Variants in IFT88 observed in about 807,000 individuals in gnomAD.
IFT88 encodes the protein intraflagellar transport 88.
Under a neutral mutation model 119.5 loss-of-function variants are expected in IFT88, and 74 were observed. The observed-to-expected ratio is 0.62, with a 90% CI of 0.51 to 0.75. The LOEUF (loss-of-function observed/expected upper bound fraction) is 0.75. IFT88 is among the 30% of genes least tolerant of loss of function. The pLI, the probability that IFT88 is intolerant of heterozygous loss-of-function variation, is 0.00. For missense variants in IFT88, 961 were observed against 977.7 expected (o/e 0.98, Z 0.23); for synonymous variants, 279 against 316.7 (o/e 0.88, Z 1.26).
rs1272800261 is a variant in IFT88, at chr13:20,625,797, AT to A, written c.1248del (p.Leu417TrpfsTer3). ...KASQYVELAN[D>X]LEINKAVTYL... ...TCTCAATATGTAGAGCTAGCCAATGATCTGGAAATAAACAAAGCAGTTACAT... is the reference window on the plus strand; with the variant it reads ...TCTCAATATGTAGAGCTAGCCAATGACTGGAAATAAACAAAGCAGTTACAT... On this transcript the variant is annotated frameshift_variant, in exon 15 of 26. Coordinates refer to ENST00000351808, the MANE Select transcript of IFT88 (RefSeq NM_006531.5). LOFTEE classifies it high-confidence loss of function. 6.2e-7 allele frequency: 1 copy of A among 1,604,812 alleles called. No homozygotes were observed. Among genetic ancestry groups the A allele is most frequent in the Non-Finnish European group, 8.5e-7 (1 of 1,177,830 alleles).
At chr13:20,631,555 T>G (rs2048210506) in intron 16 of IFT88, 1 of 154,568 alleles carries the variant, frequency 6.5e-6, no homozygotes, top group African/African-American at 2.4e-5. Flanking sequence ...TTCTTGTCTT[T>G]GGAACAAAGG....
chr13:20,577,395 T>C (rs1303975521), intron 2 of IFT88, among the ~76,000 whole-genome samples: 1 of 152,202 alleles, frequency 6.6e-6, no homozygotes, highest in Non-Finnish European at 1.5e-5. Context: ...TCCAGTACTA[T>C]GTTGAATAAC....
chr13:20,595,132 T>G (rs1406717742), intron 7 of IFT88, among the ~76,000 whole-genome samples: 2 of 152,166 alleles, frequency 1.3e-5, no homozygotes, highest in Non-Finnish European at 2.9e-5. Flanking sequence ...GGCATGGTGG[T>G]GCACGCCTAT....
At chr13:20,621,526 T>TAAAAAAAAAA (rs200491393) in intron 14 of IFT88, among the ~76,000 whole-genome samples, 12 of 130,736 alleles carry the variant, frequency 9.2e-5, no homozygotes, top group Admixed American at 2.2e-4. Context: ...CCTGCTGAGA[T>TAAAAAAAAAA]AAAAAAAAAA....
intron 15 of IFT88, among the ~76,000 whole-genome samples, chr13:20,628,682 CT>C (rs990962310): frequency 2.0e-5 from 3 of 152,038 alleles, no homozygotes; most frequent in African/African-American, 7.2e-5. Flanking sequence ...ATTATGTAGC[CT>C]TTTTAGAATA....
chr13:20,691,412 AG>A lies in IFT88; in HGVS notation c.*239del, dbSNP rs1184817315. On this transcript the variant is annotated 3_prime_UTR_variant, in exon 26 of 26. Coordinates refer to ENST00000351808, the MANE Select transcript of IFT88 (RefSeq NM_006531.5). ...TAGCTTTTTGAAAACATTGACACAC[AG>A]GAAGAAATAAATTTCATAACACAAC... 2 of 347,530 alleles carry A rather than the reference AG, an allele frequency of 5.8e-6. No homozygotes were observed. Among genetic ancestry groups the A allele is most frequent in the African/African-American group, 4.2e-5 (2 of 47,440 alleles). The allele number at this position is 347,530 out of a possible 1,614,324, so 21.5% of individuals were successfully genotyped here. A position where few individuals can be genotyped will look rare whatever the true frequency, so the allele number is the denominator to read the frequency against.
intron 13 of IFT88, among the ~76,000 whole-genome samples, chr13:20,614,102 A>T (rs942992084): frequency 6.6e-6 from 1 of 152,202 alleles, no homozygotes; most frequent in Non-Finnish European, 1.5e-5. Flanking sequence ...TGTATGGTAT[A>T]TGAGTTATCT....
At chr13:20,582,631 A>G (rs542976558) in intron 2 of IFT88, among the ~76,000 whole-genome samples, 6 of 152,172 alleles carry the variant, frequency 3.9e-5, no homozygotes, top group African/African-American at 9.7e-5. Flanking sequence ...ATTCCAAGCC[A>G]CCAGGAAAAA....
intron 20 of IFT88, among the ~76,000 whole-genome samples, chr13:20,651,473 T>TA (rs2051681904): frequency 6.7e-6 from 1 of 148,716 alleles, no homozygotes; most frequent in Non-Finnish European, 1.5e-5. Context: ...GCTTTCAGTT[T>TA]ATGATAGTCA....
intron 15 of IFT88, among the ~76,000 whole-genome samples, chr13:20,627,429 T>G (rs937403757): frequency 6.6e-6 from 1 of 152,182 alleles, no homozygotes; most frequent in Admixed American, 6.5e-5. Flanking sequence ...TTAAATGATC[T>G]TTTTAGAAAG....
At chr13:20,598,042 G>A (rs1246886947) in intron 9 of IFT88, among the ~76,000 whole-genome samples, 1 of 151,992 alleles carries the variant, frequency 6.6e-6, no homozygotes, top group African/African-American at 2.4e-5. Flanking sequence ...GTTTAAAAGG[G>A]TGTATTTTCA....
At chr13:20,594,651 A>G (rs2041323093) in intron 7 of IFT88, among the ~76,000 whole-genome samples, 1 of 152,214 alleles carries the variant, frequency 6.6e-6, no homozygotes, top group Non-Finnish European at 1.5e-5. Flanking sequence ...TAATAATAAA[A>G]TCTGTAAGCA....
Position 20,592,350 on chromosome 13 carries a change from C to A in IFT88, c.344C>A (p.Pro115His), listed in dbSNP as rs1454077918. 1.9e-6 allele frequency: 3 copies of A among 1,611,188 alleles called. No homozygotes were observed. The highest frequency in any genetic ancestry group is 2.5e-6 in the Non-Finnish European group (3 of 1,178,896). ...TGTGTCTCAGGCTCTGCATTTGACC[C>A]CCTTAGTCAGTCAAGGGGCCCTGCT... is the stretch of plus-strand genomic sequence containing the variant. ...KAALRGSAFD[P>H]LSQSRGPASP... The change falls in exon 7 of 26, where the codon CCC (proline) becomes CAC (histidine). Residue 115 changes from proline (P) to histidine (H), a missense_variant. Coordinates refer to ENST00000351808, the MANE Select transcript of IFT88 (RefSeq NM_006531.5).
At chr13:20,583,876 G>A (rs1486754291) in intron 3 of IFT88, among the ~76,000 whole-genome samples, 1 of 152,156 alleles carries the variant, frequency 6.6e-6, no homozygotes, top group Non-Finnish European at 1.5e-5. Context: ...ACTATTTGCT[G>A]TACAGACCGT....
chr13:20,629,290 T>C (rs1195173417), intron 15 of IFT88, among the ~76,000 whole-genome samples: 1 of 152,118 alleles, frequency 6.6e-6, no homozygotes, highest in Non-Finnish European at 1.5e-5. Flanking sequence ...GCTATGGAGG[T>C]TGTATAAAGC....
intron 14 of IFT88, among the ~76,000 whole-genome samples, chr13:20,625,042 T>TC (rs1676691230): frequency 6.6e-6 from 1 of 150,878 alleles, no homozygotes; most frequent in Non-Finnish European, 1.5e-5. Flanking sequence ...GTCTTCCCAG[T>TC]CCCACCACCC....
intron 2 of IFT88, among the ~76,000 whole-genome samples, chr13:20,581,584 C>T (rs1309658390): frequency 6.6e-6 from 1 of 152,128 alleles, no homozygotes; most frequent in Non-Finnish European, 1.5e-5. Flanking sequence ...ATAATTTAGG[C>T]TGGGCACAGC....
At chr13:20,638,274 AAC>A (rs1433053965) in intron 16 of IFT88, 56 bp from the exon 17 acceptor site, 1 of 912,400 alleles carries the variant, frequency 1.1e-6, no homozygotes, top group Non-Finnish European at 1.5e-6. Context: ...GTAATCTCAG[AAC>A]AGTCAGAAAA....
chr13:20,572,626 TA>T (rs2137896177), intron 1 of IFT88, among the ~76,000 whole-genome samples: 1 of 152,372 alleles, frequency 6.6e-6, no homozygotes, highest in South Asian at 2.1e-4. Context: ...TTATAGTTCT[TA>T]CTTTTGAGGT....
Sources: gnomAD v4.1 joint callset for allele counts (sites outside exome capture counted in the v4.1 genomes callset) on GRCh38, gnomAD v4.1.1 for gene constraint, MANE v1.5 for transcripts, NCBI Gene and HGNC (gene_info 2026-07-23, HGNC 2026-07-21) for gene names.